Variants in SEMA7A observed in about 807,000 individuals in gnomAD.
SEMA7A encodes the protein semaphorin 7A (JohnMiltonHagen blood group), also known as semaphorin-7A.
Under a neutral mutation model 67.5 loss-of-function variants are expected in SEMA7A, and 21 were observed. The observed-to-expected ratio is 0.31, with a 90% CI of 0.22 to 0.45. The LOEUF is 0.45. SEMA7A is among the 20% of genes least tolerant of loss of function. The pLI is 1.00. For synonymous variants in SEMA7A, 364 were observed against 368.5 expected (o/e 0.99, Z 0.14); for missense variants, 774 against 908.6 (o/e 0.85, Z 1.90).
At position 74,414,775 on chromosome 15, in the gene SEMA7A, G is replaced by C; in HGVS notation, c.1096-30C>G. 1 of 1,613,968 alleles carries C rather than the reference G, an allele frequency of 6.2e-7. No homozygotes were observed. The highest frequency in any genetic ancestry group is 1.1e-5 in the South Asian group (1 of 91,076). On this transcript the variant is annotated intron_variant, in intron 9 of 13. Transcript: ENST00000261918. The surrounding 1 kb of genome is among the most constrained non-coding windows in gnomAD (Gnocchi z 4.1). Reference sequence around the variant, plus strand: ...GCAAGGAGAGCAGGCCCAGGTCAGTGGGGTGGTGGGAGGTGAGGCAGAAGG... The same window carrying C: ...GCAAGGAGAGCAGGCCCAGGTCAGTCGGGTGGTGGGAGGTGAGGCAGAAGG...
Position 74,418,955 on chromosome 15 carries a change from G to A in SEMA7A, c.179-3C>T. On this transcript the variant is annotated splice_polypyrimidine_tract_variant and splice_region_variant and intron_variant, in intron 1 of 13. Coordinates refer to ENST00000261918, the MANE Select transcript of SEMA7A (RefSeq NM_003612.5). ...CACCCGGTCCTGCCCTACATGGCCT[G>A]AGGAGGAGACAATTAGTAGAAACAT... The A allele has an allele frequency of 2.5e-6, 4 of 1,612,516 alleles. No homozygotes were observed. The highest frequency in any genetic ancestry group is 3.4e-6 in the Non-Finnish European group (4 of 1,179,834).
chr15:74,417,723 T>C, intron 4 of SEMA7A, 48 bp from the exon 5 acceptor site: 1 of 1,566,754 alleles, frequency 6.4e-7, no homozygotes, highest in Non-Finnish European at 8.7e-7. Context: ...CCACAGCCAC[T>C]GCCTCCCATG....
At chr15:74,431,805 G>A (rs1490308973) in intron 1 of SEMA7A, among the ~76,000 whole-genome samples, 1 of 151,788 alleles carries the variant, frequency 6.6e-6, no homozygotes, top group African/African-American at 2.4e-5. Context: ...GGCCAGTGGG[G>A]CACCTGGCAC....
chr15:74,418,988 AGGTCCCGAGAGAGAAGACTCTG>A (rs1412139638), intron 1 of SEMA7A, 36 bp from the exon 2 acceptor site: 5 of 1,601,262 alleles, frequency 3.1e-6, no homozygotes, highest in Non-Finnish European at 4.3e-6. Flanking sequence ...CATTGAAGCC[AGGTCCCGAGAGAGAAGACTCTG>A]GGTCCCCTCC....
At chr15:74,427,175 T>C (rs1319407994) in intron 1 of SEMA7A, 2 of 981,406 alleles carry the variant, frequency 2.0e-6, no homozygotes, top group African/African-American at 1.8e-5. Context: ...ACAAACCATC[T>C]GGCACCACCA....
chr15:74,421,612 C>T (rs1036127749), intron 1 of SEMA7A, among the ~76,000 whole-genome samples: 3 of 152,234 alleles, frequency 2.0e-5, no homozygotes, highest in Non-Finnish European at 4.4e-5. Context: ...CAGGACAAGG[C>T]CTTGGCCCAT....
chr15:74,433,818 A>AGGAGCC lies in SEMA7A; in HGVS notation c.100_101insGGCTCC (p.Arg32_Leu33dup). On this transcript the variant is annotated inframe_insertion, in exon 1 of 14. Transcript: ENST00000261918. ...GGCGGCGGCCGCCCAGAGCAGCAGC[A>AGGAGCC]GCAGCCGCAGCCGCAGCGGAAGCCC... is the stretch of plus-strand genomic sequence containing the variant. 1.5e-6 allele frequency: 2 copies of AGGAGCC among 1,375,768 alleles called. No homozygotes were observed. Among genetic ancestry groups the AGGAGCC allele is most frequent in the Non-Finnish European group, 1.9e-6 (2 of 1,068,514 alleles). 85.2% of individuals were successfully genotyped at this position (1,375,768 alleles called of 1,614,324 possible). A position where few individuals can be genotyped will look rare whatever the true frequency, so the allele number is the denominator to read the frequency against.
chr15:74,416,380 CAGG>C (rs746096768), intron 7 of SEMA7A, among the ~76,000 whole-genome samples, 192 bp downstream of exon 7: 2 of 152,108 alleles, frequency 1.3e-5, no homozygotes, highest in African/African-American at 2.4e-5. Context: ...CATACGTGCA[CAGG>C]AGCTCAGCCA....
At chr15:74,432,058 G>A (rs1244317280) in intron 1 of SEMA7A, among the ~76,000 whole-genome samples, 2 of 129,642 alleles carry the variant, frequency 1.5e-5, no homozygotes, top group African/African-American at 5.8e-5. Flanking sequence ...TGGGATGTAT[G>A]CATTAAGTGC....
At position 74,411,749 on chromosome 15, in the gene SEMA7A, C is replaced by A. The variant is rs1203353026; in HGVS notation, c.1423-39G>T. 1.2e-6 allele frequency: 2 copies of A among 1,608,120 alleles called. No individual in the cohort carries two copies. The highest frequency in any genetic ancestry group is 1.3e-5 in the African/African-American group (1 of 74,856). ...AGGATTGGGTCAGGCCCGGGCCCCA[C>A]CCCACACTCAGTCCTAAATGTCCAG... On this transcript the variant is annotated intron_variant, in intron 11 of 13. Transcript: ENST00000261918. This position sits in a 1 kb window ranked among gnomAD's most constrained non-coding sequence, Gnocchi z 4.4.
At chr15:74,427,870 TCCC>T (rs34861006) in intron 1 of SEMA7A, among the ~76,000 whole-genome samples, 1 of 152,066 alleles carries the variant, frequency 6.6e-6, no homozygotes, top group Non-Finnish European at 1.5e-5. Context: ...ATGTGGGGGC[TCCC>T]CAAGGGCAAA....
At position 74,414,723 on chromosome 15, in the gene SEMA7A, A is replaced by G; in HGVS notation, c.1118T>C (p.Ile373Thr). The change falls in exon 10 of 14, where the codon ATA becomes ACA. Residue 373 changes from isoleucine (I) to threonine (T), a missense_variant. Physicochemically the swap from Ile to Thr is moderately conservative, Grantham distance 89. This residue lies in a region of SEMA7A where 427 missense variants were observed against 555.4 expected (regional missense o/e 0.77). Coordinates refer to ENST00000261918, the MANE Select transcript of SEMA7A (RefSeq NM_003612.5). This position sits in a 1 kb window ranked among gnomAD's most constrained non-coding sequence, Gnocchi z 4.1. ...AGCCACCTGGAAGGTCTCTGTGGGTATCGGCTGCTGGTCTGGGAGGCACTG... is the reference window on the plus strand; with the variant it reads ...AGCCACCTGGAAGGTCTCTGTGGGTGTCGGCTGCTGGTCTGGGAGGCACTG... ...PGKCLPDQQP[I>T]PTETFQVADR... is the part of the protein sequence containing the mutation. 1 of 1,614,140 alleles carries G rather than the reference A, an allele frequency of 6.2e-7. No individual in the cohort carries two copies. Among genetic ancestry groups the G allele is most frequent in the African/African-American group, 1.3e-5 (1 of 75,048 alleles).
intron 1 of SEMA7A, among the ~76,000 whole-genome samples, chr15:74,422,463 C>T (rs1418209280): frequency 1.3e-5 from 2 of 152,156 alleles, no homozygotes; most frequent in Non-Finnish European, 2.9e-5. Context: ...GACAACCCAC[C>T]TCCCGCCCCA....
intron 6 of SEMA7A, 63 bp downstream of exon 6, chr15:74,417,272 A>G (rs1448767974): frequency 1.5e-6 from 2 of 1,301,218 alleles, no homozygotes; most frequent in Non-Finnish European, 2.2e-6. Context: ...TCAGGATCCC[A>G]TCTGCCACCT....
intron 1 of SEMA7A, among the ~76,000 whole-genome samples, chr15:74,430,601 G>A (rs1199703736): frequency 6.6e-6 from 1 of 152,164 alleles, no homozygotes; most frequent in African/African-American, 2.4e-5. Flanking sequence ...CACTGTCCAG[G>A]ACAGAGGGGT....
rs746001863 is a variant in SEMA7A at position 74,410,726 on chromosome 15, G to A, written c.1899C>T (p.Asp633=). The change falls in exon 14 of 14, where the codon GAC becomes GAT. Residue 633 remains aspartate (D), a synonymous_variant. Transcript: ENST00000261918. The surrounding 1 kb of genome is among the most constrained non-coding windows in gnomAD (Gnocchi z 7.5). ...EAQHWQLLPE[D]GIMAEHLLGH... is the part of the protein sequence containing the mutation. Reference sequence around the variant, plus strand: ...CCAGCAGGTGCTCGGCCATGATGCCGTCCTCGGGCAGCAGCTGCCAGTGCT... The same window carrying A: ...CCAGCAGGTGCTCGGCCATGATGCCATCCTCGGGCAGCAGCTGCCAGTGCT... The A allele has an allele frequency of 1.4e-5, 23 of 1,613,748 alleles. No individual in the cohort carries two copies. Among genetic ancestry groups the A allele is most frequent in the South Asian group, 4.4e-5 (4 of 91,086 alleles).
In SEMA7A at chr15:74,417,927, C is replaced by T. The variant is rs2060966143; in HGVS notation, c.415G>A (p.Gly139Arg). The T allele has an allele frequency of 1.2e-6, 2 of 1,613,166 alleles. No individual in the cohort carries two copies. The highest frequency in any genetic ancestry group is 1.7e-6 in the Non-Finnish European group (2 of 1,180,006). Residue 139 changes from glycine (G) to arginine (R), a missense_variant, in exon 4 of 14, where the codon GGG becomes AGG. Gly to Arg is a moderately radical substitution (Grantham distance 125). Around this residue, in one of 2 missense-constraint regions of SEMA7A, gnomAD observed 347 missense variants for 353.2 expected, o/e 0.98. Transcript: ENST00000261918. ...YITLLERRSE[G>R]LLACGTNARH... ...GCGTTGGTGCCACAGGCCAGCAGCC[C>T]CTCACTCCGCCTCTCCAGGAGAGTG...
chr15:74,427,272 T>A, intron 1 of SEMA7A: 1 of 985,430 alleles, frequency 1.0e-6, no homozygotes, highest in Non-Finnish European at 1.2e-6. Flanking sequence ...TTGCTCCAAG[T>A]CTTCCATTCC....
chr15:74,419,572 C>T (rs1216698469), intron 1 of SEMA7A, among the ~76,000 whole-genome samples: 3 of 152,202 alleles, frequency 2.0e-5, no homozygotes, highest in Admixed American at 6.5e-5. Context: ...ACATCTACTC[C>T]GTCCCATTTC....
Sources: allele counts gnomAD v4.1 joint callset (sites outside exome capture counted in the v4.1 genomes callset), GRCh38; gene constraint gnomAD v4.1.1; regional missense constraint gnomAD v4.1.1; non-coding constraint Gnocchi (gnomAD v3.1); transcripts MANE v1.5; gene names NCBI Gene and HGNC (gene_info 2026-07-23, HGNC 2026-07-21).